COL5A1: variants seen among roughly 807,000 people sequenced by gnomAD.
COL5A1 encodes collagen alpha-1(V) chain.
Under a neutral mutation model 263.7 loss-of-function variants are expected in COL5A1, and 16 were observed. That is an observed-to-expected ratio of 0.06 (90% CI 0.04 to 0.09). The LOEUF (loss-of-function observed/expected upper bound fraction) is 0.09, where lower values mean the gene tolerates loss of function less well. Among genes scored for constraint, COL5A1 ranks in the 10% least tolerant of loss-of-function variants. The pLI is 1.00. For synonymous variants in COL5A1, 1,012 were observed against 1,004.5 expected, an observed-to-expected ratio of 1.01 and a Z score of -0.14; for missense variants, 2,036 against 2,540.5, an observed-to-expected ratio of 0.80 and a Z score of 4.27.
chr9:134,833,809 T>C (rs1377578702), intron 64 of COL5A1, among the ~76,000 whole-genome samples: 1 of 152,248 alleles, frequency 6.6e-6, no homozygotes, highest in African/African-American at 2.4e-5. Flanking sequence ...GATGGTCGTT[T>C]GTTCACATAA....
At chr9:134,759,970 CAT>C (rs528824354) in intron 18 of COL5A1, among the ~76,000 whole-genome samples, 55 of 131,174 alleles carry the variant, frequency 4.2e-4, no homozygotes, top group African/African-American at 1.6e-3. Flanking sequence ...CTCATGCACA[CAT>C]GCACACACAT....
intron 6 of COL5A1, among the ~76,000 whole-genome samples, chr9:134,729,560 CTGTG>C (rs1491230174): frequency 1.1e-5 from 1 of 88,332 alleles, no homozygotes; most frequent in African/African-American, 4.7e-5. Context: ...GTGCATGAGC[CTGTG>C]TGTGTGAGCG....
intron 1 of COL5A1, among the ~76,000 whole-genome samples, chr9:134,667,342 G>C (rs1474019963): frequency 6.6e-6 from 1 of 152,236 alleles, no homozygotes; most frequent in Non-Finnish European, 1.5e-5. Context: ...CTCAGGATCA[G>C]TGGCTGTGGA....
At position 134,822,718 on chromosome 9, in the gene COL5A1, G is replaced by GCCCCCCCCCCC. The variant is rs370666409; in HGVS notation, c.4609-279_4609-278insCCCCCCCCCCC. 8.4e-5 allele frequency among the ~76,000 whole-genome samples: 12 copies of GCCCCCCCCCCC among 143,172 alleles called. 2 individuals carry two copies. The highest frequency in any genetic ancestry group is 2.6e-4 in the African/African-American group (9 of 34,712). 93.9% of individuals were successfully genotyped at this position (143,172 alleles called of 152,430 possible). The stretch of plus-strand genomic sequence containing the variant: ...GAGCCAGGACATGCTCTTTTCCGCT[G>GCCCCCCCCCCC]CGCCCCCCCCGCGGCTGTCTGAGCT... On this transcript the variant is annotated intron_variant, in intron 59 of 65. Coordinates refer to ENST00000371817, the MANE Select transcript of COL5A1 (RefSeq NM_000093.5).
chr9:134,747,645 A>G (rs1421279287), intron 11 of COL5A1, among the ~76,000 whole-genome samples: 2 of 151,588 alleles, frequency 1.3e-5, no homozygotes, highest in Non-Finnish European at 2.9e-5. Context: ...ACATGCATTC[A>G]TACACATGCA....
In COL5A1 at chr9:134,824,950, G is replaced by A. The variant is rs561360926; in HGVS notation, c.4954+95G>A. ...CAAGGACAGTTCAGCCAGGCACAGCGGAAGGGACAGGACGGGCAGCCGCAG... is the reference window on the plus strand; with the variant it reads ...CAAGGACAGTTCAGCCAGGCACAGCAGAAGGGACAGGACGGGCAGCCGCAG... On this transcript the variant is annotated intron_variant, in intron 62 of 65. Transcript: ENST00000371817. 1.6e-4 allele frequency: 242 copies of A among 1,477,030 alleles called. No homozygotes were observed. In the African/African-American group the frequency reaches 2.5e-3, roughly 15 times the overall value. 91.5% of individuals were successfully genotyped at this position (1,477,030 alleles called of 1,614,324 possible).
rs375942765 is a variant in COL5A1 at position 134,762,652 on chromosome 9, C to T, written c.1989+674C>T. Among the ~76,000 whole-genome samples the T allele has an allele frequency of 7.9e-5, 12 of 152,286 alleles. No homozygotes were observed. The South Asian group carries it at 1.0e-3, about 13-fold the overall frequency. On this transcript the variant is annotated intron_variant, in intron 19 of 65. Transcript: ENST00000371817. ...CCTGCAGGCACCGCAGTCACTCAGA[C>T]GCCTTCTTTGTATGTGAGAGGTGTT...
intron 32 of COL5A1, among the ~76,000 whole-genome samples, chr9:134,793,892 A>C (rs1837805411): frequency 6.6e-6 from 1 of 152,216 alleles, no homozygotes; most frequent in African/African-American, 2.4e-5. Flanking sequence ...ATCATCATAA[A>C]TGGTTTTAAT....
At position 134,642,318 on chromosome 9, in the gene COL5A1, G is replaced by GGGCTGCGGGATGGGGCGCGC. The variant is rs1221511057; in HGVS notation, c.109+24_109+43dup. ...GCAGGTAAGGGCGCCCCGGGGCGCG[G>GGGCTGCGGGATGGGGCGCGC]GGCTGCGGGATGGGGCGCGCGCAGC... On this transcript the variant is annotated intron_variant, in intron 1 of 65. Coordinates refer to ENST00000371817, the MANE Select transcript of COL5A1 (RefSeq NM_000093.5). This position sits in a 1 kb window ranked among gnomAD's most constrained non-coding sequence, Gnocchi z 4.5. 1 of 798,634 alleles carries GGGCTGCGGGATGGGGCGCGC rather than the reference G, an allele frequency of 1.3e-6. No homozygotes were observed. Among genetic ancestry groups the GGGCTGCGGGATGGGGCGCGC allele is most frequent in the East Asian group, 4.7e-5 (1 of 21,130 alleles). 49.5% of individuals were successfully genotyped at this position (798,634 alleles called of 1,614,324 possible). A position where few individuals can be genotyped will look rare whatever the true frequency, so the allele number is the denominator to read the frequency against.
chr9:134,665,523 G>A (rs543190033), intron 1 of COL5A1, among the ~76,000 whole-genome samples: 103 of 152,316 alleles, frequency 6.8e-4, no homozygotes, highest in African/African-American at 2.4e-3. Context: ...TATTGAAAAG[G>A]GATGCATACA....
At chr9:134,768,517 G>T in intron 25 of COL5A1, 54 bp downstream of exon 25, 2 of 1,555,196 alleles carry the variant, frequency 1.3e-6, no homozygotes, top group Non-Finnish European at 1.8e-6. Flanking sequence ...TCCACCCTGC[G>T]GATAGGGCTG....
chr9:134,800,749 C>CAAAAAAAAAAAAA (rs397951217), intron 37 of COL5A1, among the ~76,000 whole-genome samples: 1 of 81,602 alleles, frequency 1.2e-5, no homozygotes, highest in Non-Finnish European at 2.3e-5. Context: ...CTGTCTCAAA[C>CAAAAAAAAAAAAA]AAAAAAAAAA....
At position 134,822,139 on chromosome 9, in the gene COL5A1, C is replaced by G. The variant is rs1839028918; in HGVS notation, c.4597C>G (p.Pro1533Ala). 1 of 1,613,426 alleles carries G rather than the reference C, an allele frequency of 6.2e-7. No individual in the cohort carries two copies. The highest frequency in any genetic ancestry group is 8.5e-7 in the Non-Finnish European group (1 of 1,179,698). ...TGGCCCGATTGGGCCTCCTGGGCCC[C>G]CTGGCCTGCCGGTGTGTATCTGGGA... ...PSGPIGPPGP[P>A]GLPGPPGPKG... Residue 1533 changes from proline to alanine, a missense_variant, in exon 59 of 66, where the codon CCT (proline) becomes GCT (alanine). Physicochemically the swap from Pro to Ala is conservative, Grantham distance 27. This residue lies in a region of COL5A1 where 1,078 missense variants were observed against 1,521.4 expected (regional missense o/e 0.71). Transcript: ENST00000371817.
intron 25 of COL5A1, among the ~76,000 whole-genome samples, chr9:134,771,371 G>A (rs993877762): frequency 2.6e-5 from 4 of 152,342 alleles, no homozygotes; most frequent in Non-Finnish European, 5.9e-5. Context: ...AGGTGCTGGC[G>A]CCATGAGCCT....
intron 27 of COL5A1, among the ~76,000 whole-genome samples, chr9:134,778,122 G>A (rs1837117342): frequency 6.6e-6 from 1 of 152,232 alleles, no homozygotes; most frequent in African/African-American, 2.4e-5. Flanking sequence ...GACGGCAGGT[G>A]GTTTTCTGGG....
rs569485642 is a variant in COL5A1 at position 134,814,079 on chromosome 9, C to T, written c.3906+43C>T. The T allele has an allele frequency of 1.8e-5, 27 of 1,540,094 alleles. No individual in the cohort carries two copies. The Admixed American group carries it at 2.4e-4, about 13-fold the overall frequency. ...GCGGGAGGGGTGGGATATGGCCGAG[C>T]GGGTGTGTGGACGGGGTGCTGGGTT... On this transcript the variant is annotated intron_variant, in intron 49 of 65. Transcript: ENST00000371817.
intron 1 of COL5A1, chr9:134,653,557 C>T (rs1197742342): frequency 1.3e-5 from 2 of 152,620 alleles, no homozygotes; most frequent in African/African-American, 2.4e-5. Context: ...GCCGTCTGTG[C>T]GTCTCCCAAG....
At chr9:134,779,652 G>A (rs1050170909) in intron 27 of COL5A1, among the ~76,000 whole-genome samples, 7 of 152,324 alleles carry the variant, frequency 4.6e-5, no homozygotes, top group Admixed American at 1.3e-4. Flanking sequence ...ACTGAGGCAC[G>A]CAGGAGTCTG....
chr9:134,760,114 ACG>A (rs1836271134), intron 18 of COL5A1, among the ~76,000 whole-genome samples: 3 of 119,614 alleles, frequency 2.5e-5, no homozygotes, highest in Admixed American at 9.0e-5. Flanking sequence ...ACACTCATAC[ACG>A]CCCACACACC....
Sources: allele counts gnomAD v4.1 joint callset (sites outside exome capture counted in the v4.1 genomes callset), GRCh38; gene constraint gnomAD v4.1.1; regional missense constraint gnomAD v4.1.1; non-coding constraint Gnocchi (gnomAD v3.1); transcripts MANE v1.5; gene names NCBI Gene and HGNC (gene_info 2026-07-23, HGNC 2026-07-21).